Variants in NCKAP5 observed in about 807,000 individuals in gnomAD.
NCKAP5 encodes nck-associated protein 5.
NCKAP5 carries 92 observed loss-of-function variants against 167.0 expected under a neutral mutation model. That is an observed-to-expected ratio of 0.55 (90% CI 0.47 to 0.66). The LOEUF (loss-of-function observed/expected upper bound fraction) is 0.66. NCKAP5 is among the 30% of genes least tolerant of loss of function. NCKAP5 has a pLI of 0.00. For missense variants in NCKAP5, 2,378 were observed against 2,315.0 expected (o/e 1.03, Z -0.56); for synonymous variants, 891 against 877.4 (o/e 1.02, Z -0.27).
At chr2:132,756,192 C>CAACA (rs1680539829) in intron 16 of NCKAP5, among the ~76,000 whole-genome samples, 2 of 152,086 alleles carry the variant, frequency 1.3e-5, no homozygotes, top group Admixed American at 1.3e-4. Flanking sequence ...GTAACATTAC[C>CAACA]AACAAGGTCT....
intron 5 of NCKAP5, among the ~76,000 whole-genome samples, chr2:133,152,893 T>C (rs2149894609): frequency 6.6e-6 from 1 of 152,320 alleles, no homozygotes; most frequent in African/African-American, 2.4e-5. Context: ...TACAGGTTTG[T>C]AGCCCAGGAG....
At chr2:133,055,371 T>C (rs1357193240) in intron 6 of NCKAP5, among the ~76,000 whole-genome samples, 6 of 151,996 alleles carry the variant, frequency 3.9e-5, no homozygotes, top group Admixed American at 3.3e-4. Context: ...AATAACAATC[T>C]GAAGCAGTTC....
At position 132,782,315 on chromosome 2, in the gene NCKAP5, T is replaced by C; in HGVS notation, c.4496A>G (p.Lys1499Arg). The C allele has an allele frequency of 1.2e-6, 2 of 1,614,092 alleles. No homozygotes were observed. Among genetic ancestry groups the C allele is most frequent in the Non-Finnish European group, 1.7e-6 (2 of 1,179,908 alleles). The part of the protein sequence containing the change: ...VQTKPTSVEA[K>R]QKPGPSFASW... ...GGCAAAAGAAGGCCCAGGCTTCTGC[T>C]TTGCTTCCACAGAGGTGGGCTTTGT... is the stretch of plus-strand genomic sequence containing the variant. Residue 1499 changes from lysine (K) to arginine (R), a missense_variant, in exon 14 of 20, where the codon AAG becomes AGG. Transcript: ENST00000409261.
chr2:133,346,242 G>A (rs1167041935), intron 3 of NCKAP5, among the ~76,000 whole-genome samples: 1 of 152,134 alleles, frequency 6.6e-6, no homozygotes, highest in Non-Finnish European at 1.5e-5. Context: ...CCAAAGAAGT[G>A]AGCAAAAACA....
chr2:132,742,246 C>T (rs1282197789), intron 16 of NCKAP5, among the ~76,000 whole-genome samples: 1 of 151,960 alleles, frequency 6.6e-6, no homozygotes, highest in Non-Finnish European at 1.5e-5. Context: ...TGGTGAATTA[C>T]ATGGACAACT....
At chr2:132,707,394 G>A (rs1185846045) in intron 19 of NCKAP5, among the ~76,000 whole-genome samples, 1 of 152,228 alleles carries the variant, frequency 6.6e-6, no homozygotes, top group Admixed American at 6.5e-5. Context: ...GGGCTAATGT[G>A]GTCTGGGGTT....
At chr2:132,972,493 A>C (rs2076864166) in intron 7 of NCKAP5, among the ~76,000 whole-genome samples, 1 of 152,156 alleles carries the variant, frequency 6.6e-6, no homozygotes, top group Non-Finnish European at 1.5e-5. Context: ...TGGAAGGCTG[A>C]GGCAGGTGGA....
intron 5 of NCKAP5, among the ~76,000 whole-genome samples, chr2:133,147,524 GAT>G (rs1417393388): frequency 5.9e-5 from 9 of 152,230 alleles, no homozygotes; most frequent in African/African-American, 2.2e-4. Flanking sequence ...TAAAATCACT[GAT>G]AGTGTTCAAG....
At chr2:132,773,955 A>G in intron 15 of NCKAP5, 61 bp from the exon 16 acceptor site, 1 of 1,391,838 alleles carries the variant, frequency 7.2e-7, no homozygotes, top group East Asian at 2.3e-5. Context: ...TCCTTTTGCA[A>G]TCCTCAGAGT....
chr2:133,438,982 G>C (rs1054006966), intron 3 of NCKAP5, among the ~76,000 whole-genome samples: 10 of 152,194 alleles, frequency 6.6e-5, no homozygotes, highest in Admixed American at 3.3e-4. Flanking sequence ...GCATTTTCAT[G>C]ACCAGCAGGC....
chr2:133,059,960 G>T (rs2079941480), intron 6 of NCKAP5, among the ~76,000 whole-genome samples: 1 of 151,928 alleles, frequency 6.6e-6, no homozygotes, highest in South Asian at 2.1e-4. Flanking sequence ...GGAGGAAAGA[G>T]AAAGTTCCCT....
At chr2:133,004,556 G>T (rs567095767) in intron 6 of NCKAP5, among the ~76,000 whole-genome samples, 7 of 152,222 alleles carry the variant, frequency 4.6e-5, no homozygotes, top group Admixed American at 4.6e-4. Context: ...TAGGGAGTGG[G>T]TCACAGAGAT....
At chr2:132,742,887 G>A (rs1386534902) in intron 16 of NCKAP5, among the ~76,000 whole-genome samples, 2 of 151,866 alleles carry the variant, frequency 1.3e-5, no homozygotes, top group East Asian at 3.9e-4. Context: ...AAGTTGAGAT[G>A]AGTCCATCTT....
intron 3 of NCKAP5, among the ~76,000 whole-genome samples, chr2:133,399,111 G>A (rs907575714): frequency 6.6e-6 from 1 of 152,166 alleles, no homozygotes; most frequent in Admixed American, 6.6e-5. Context: ...TTTAGAGCAC[G>A]CCCTGGAGCC....
chr2:133,213,858 T>G, intron 4 of NCKAP5, 79 bp from the exon 5 acceptor site: 1 of 1,402,798 alleles, frequency 7.1e-7, no homozygotes, highest in Non-Finnish European at 1.0e-6. Flanking sequence ...AACATTCTTT[T>G]GAGGTCTCTA....
chr2:133,094,362 T>C (rs752580106), intron 6 of NCKAP5, among the ~76,000 whole-genome samples: 18 of 152,188 alleles, frequency 1.2e-4, no homozygotes, highest in Non-Finnish European at 8.8e-5. Context: ...TTTGGTATTA[T>C]TTTCTAATTA....
intron 3 of NCKAP5, among the ~76,000 whole-genome samples, chr2:133,397,096 C>G (rs1687779087): frequency 6.6e-6 from 1 of 152,186 alleles, no homozygotes; most frequent in African/African-American, 2.4e-5. Flanking sequence ...CAAAGCATAA[C>G]ACAACATAAT....
chr2:132,815,225 G>A (rs748232633), intron 11 of NCKAP5, among the ~76,000 whole-genome samples: 3 of 151,934 alleles, frequency 2.0e-5, no homozygotes, highest in African/African-American at 7.3e-5. Context: ...TTGCAACCTC[G>A]GAGAATACCA....
At chr2:132,955,750 T>C (rs2149168913) in intron 8 of NCKAP5, among the ~76,000 whole-genome samples, 1 of 152,320 alleles carries the variant, frequency 6.6e-6, no homozygotes, top group Non-Finnish European at 1.5e-5. Context: ...TCCACAATGA[T>C]TGAACTAATT....
Sources: gnomAD v4.1 joint callset for allele counts (sites outside exome capture counted in the v4.1 genomes callset) on GRCh38, gnomAD v4.1.1 for gene constraint, MANE v1.5 for transcripts, NCBI Gene and HGNC (gene_info 2026-07-23, HGNC 2026-07-21) for gene names.